ACAD10: variants seen among roughly 807,000 people sequenced by gnomAD.
ACAD10 encodes acyl-CoA dehydrogenase family member 10.
In ACAD10, 112 loss-of-function variants were observed where a neutral mutation model predicts 116.8. The observed-to-expected ratio is 0.96, with a 90% CI of 0.82 to 1.12. ACAD10 has a LOEUF of 1.12. Ranked by LOEUF, ACAD10 falls within the 50% of genes most tolerant of loss-of-function variation. The pLI is 0.00. For missense variants in ACAD10, 1,259 were observed against 1,350.2 expected (o/e 0.93, Z 1.06); for synonymous variants, 486 against 510.6 (o/e 0.95, Z 0.65).
In ACAD10 at chr12:111,692,753, T is replaced by G. The variant is rs763470989; in HGVS notation, c.44T>G (p.Val15Gly). 3 of 1,614,016 alleles carry G rather than the reference T, an allele frequency of 1.9e-6. No individual in the cohort carries two copies. In the African/African-American group the frequency reaches 4.0e-5, roughly 22 times the overall value. The change falls in exon 2 of 21, where the codon GTG (valine) becomes GGG (glycine). Residue 15 changes from valine (V) to glycine (G), a missense_variant. Physicochemically the swap from Val to Gly is moderately radical, Grantham distance 109. Coordinates refer to ENST00000313698, the MANE Select transcript of ACAD10 (RefSeq NM_025247.6). The stretch of plus-strand genomic sequence containing the variant: ...TTCCAGTCCCCCCGTCTCCAGTGGG[T>G]GTGGAGAACAGCCTTCCTGAAACAC... ...SCFQSPRLQW[V>G]WRTAFLKHTQ...
intron 8 of ACAD10, among the ~76,000 whole-genome samples, chr12:111,724,122 A>C (rs1350627080): frequency 1.4e-5 from 2 of 144,198 alleles, no homozygotes; most frequent in Non-Finnish European, 3.0e-5. Context: ...GTCTGGGCGG[A>C]TACGCTCCTC....
At chr12:111,743,865 G>T (rs1434844449) in intron 12 of ACAD10, among the ~76,000 whole-genome samples, 1 of 151,892 alleles carries the variant, frequency 6.6e-6, no homozygotes, top group African/African-American at 2.4e-5. Flanking sequence ...TCATGCCTTA[G>T]CCTCCTGAGT....
In ACAD10 at chr12:111,715,904, A is replaced by T. The variant is rs1250314858; in HGVS notation, c.934A>T (p.Arg312Trp). Residue 312 changes from arginine to tryptophan, a missense_variant, in exon 7 of 21, where the codon AGG becomes TGG. Arg to Trp is a moderately radical substitution (Grantham distance 101, BLOSUM62 -3). Transcript: ENST00000313698. ...IRLANRDLVLRKKPPGTLLPS... is the reference protein window; with the variant it reads ...IRLANRDLVLWKKPPGTLLPS... ...GCTGGCTAATCGTGATCTAGTTCTG[A>T]GGAAGAAGCCCCCAGGGACACTCCT... 6.2e-7 allele frequency: 1 copy of T among 1,614,080 alleles called. No individual in the cohort carries two copies. The highest frequency in any genetic ancestry group is 8.5e-7 in the Non-Finnish European group (1 of 1,180,016).
intron 11 of ACAD10, 47 bp downstream of exon 11, chr12:111,734,115 A>C: frequency 6.2e-7 from 1 of 1,611,608 alleles, no homozygotes; most frequent in Non-Finnish European, 8.5e-7. Flanking sequence ...CCAGTTCTCC[A>C]AGCATTTGGG....
chr12:111,738,001 T>C (rs995442997), intron 12 of ACAD10, among the ~76,000 whole-genome samples: 2 of 151,958 alleles, frequency 1.3e-5, no homozygotes, highest in African/African-American at 4.8e-5. Context: ...TATAGGCACA[T>C]ACCACCATAC....
In ACAD10 at chr12:111,708,305, C is replaced by T. The variant is rs902460430; in HGVS notation, c.532-1221C>T. On this transcript the variant is annotated intron_variant, in intron 4 of 20. Transcript: ENST00000313698. ...ACCTAGTGAGAGGAGCCGAATGCTT[C>T]CTGGAACTTTGCCCCATCCCCCCCA... 2.6e-5 allele frequency among the ~76,000 whole-genome samples: 4 copies of T among 152,126 alleles called. No homozygotes were observed. The South Asian group carries it at 8.3e-4, about 32-fold the overall frequency.
At chr12:111,708,764 C>G (rs2054193877) in intron 4 of ACAD10, among the ~76,000 whole-genome samples, 1 of 152,092 alleles carries the variant, frequency 6.6e-6, no homozygotes, top group Non-Finnish European at 1.5e-5. Flanking sequence ...CCTGGGGACA[C>G]TGTAAAAGGA....
intron 6 of ACAD10, chr12:111,715,551 G>A: frequency 2.6e-6 from 1 of 390,634 alleles, no homozygotes; most frequent in Non-Finnish European, 4.7e-6. Context: ...GACAAAATTG[G>A]ACACCTGCAC....
chr12:111,718,501 C>T (rs553968403), intron 7 of ACAD10, among the ~76,000 whole-genome samples: 24 of 149,602 alleles, frequency 1.6e-4, no homozygotes, highest in African/African-American at 5.6e-4. Flanking sequence ...TGTTTTGAGG[C>T]GGAGTTTTTG....
In ACAD10 at chr12:111,751,837, TC is replaced by T. The variant is rs779596249; in HGVS notation, c.2818-1934del. On this transcript the variant is annotated intron_variant, in intron 18 of 20. Transcript: ENST00000313698. ...ACTTTGGGAGGCCGAGGTGGGCAGA[TC>T]ACCTGAGGTCGGGAGTTCGAGTCCA... Among the ~76,000 whole-genome samples the T allele has an allele frequency of 1.1e-4, 16 of 152,140 alleles. No homozygotes were observed. The East Asian group carries it at 2.5e-3, about 24-fold the overall frequency.
At chr12:111,745,189 C>A in intron 13 of ACAD10, 146 bp downstream of exon 13, 1 of 927,418 alleles carries the variant, frequency 1.1e-6, no homozygotes, top group Non-Finnish European at 1.6e-6. Context: ...TCAGAAAGAG[C>A]CAGCTCTTCA....
At chr12:111,706,641 G>T (rs1295094092) in intron 4 of ACAD10, among the ~76,000 whole-genome samples, 1 of 151,270 alleles carries the variant, frequency 6.6e-6, no homozygotes, top group Non-Finnish European at 1.5e-5. Flanking sequence ...GTAGAGACGG[G>T]GGTTTCACCA....
At chr12:111,708,620 C>T (rs1263714641) in intron 4 of ACAD10, among the ~76,000 whole-genome samples, 1 of 152,116 alleles carries the variant, frequency 6.6e-6, no homozygotes, top group African/African-American at 2.4e-5. Flanking sequence ...TGGGTTTGTC[C>T]TTGGCCTTGG....
rs535217382 is a variant in ACAD10 at position 111,704,418 on chromosome 12, G to T, written c.337-1320G>T. Among the ~76,000 whole-genome samples the T allele has an allele frequency of 7.9e-5, 12 of 152,252 alleles. No individual in the cohort carries two copies. The South Asian group carries it at 1.7e-3, about 21-fold the overall frequency. On this transcript the variant is annotated intron_variant, in intron 3 of 20. Transcript: ENST00000313698. ...GCCTCCCAAAGTGCTGGGATTACAG[G>T]CGTGAGCCACCACGCCTGGCTGGTT...
At chr12:111,747,451 C>T in intron 16 of ACAD10, 66 bp downstream of exon 16, 1 of 1,598,600 alleles carries the variant, frequency 6.3e-7, no homozygotes, top group South Asian at 1.1e-5. Context: ...GCGCGTCTCT[C>T]AATGCCTGGG....
chr12:111,734,052 T>C lies in ACAD10; in HGVS notation c.1524T>C (p.Ser508=). The change falls in exon 11 of 21, where the codon AGT becomes AGC. Residue 508 remains serine (S), a synonymous_variant. Coordinates refer to ENST00000313698, the MANE Select transcript of ACAD10 (RefSeq NM_025247.6). ...GCCTGGCTCATTACCTGCCATCCAG[T>C]TTTCCCGTGCTGAGAGGTAGGAACT... The part of the protein sequence containing the change: ...YSCLAHYLPS[S]FPVLRGINDC... The C allele has an allele frequency of 6.2e-7, 1 of 1,614,144 alleles. No homozygotes were observed. The highest frequency in any genetic ancestry group is 8.5e-7 in the Non-Finnish European group (1 of 1,180,034).
At chr12:111,741,060 T>C (rs1037416257) in intron 12 of ACAD10, among the ~76,000 whole-genome samples, 5 of 152,212 alleles carry the variant, frequency 3.3e-5, no homozygotes, top group Admixed American at 6.5e-5. Context: ...CTGTGCTAGG[T>C]GGTCCTGGAG....
intron 8 of ACAD10, 91 bp from the exon 9 acceptor site, chr12:111,727,871 A>G: frequency 7.5e-7 from 1 of 1,326,750 alleles, no homozygotes; most frequent in Non-Finnish European, 1.0e-6. Context: ...CAACCTGTAT[A>G]CCCAGGGAAA....
At chr12:111,703,664 C>A (rs1190842790) in intron 3 of ACAD10, among the ~76,000 whole-genome samples, 2 of 151,878 alleles carry the variant, frequency 1.3e-5, no homozygotes, top group Non-Finnish European at 2.9e-5. Flanking sequence ...ATGGTGAAAC[C>A]CCATCTCTAC....
Sources: gnomAD v4.1 joint callset for allele counts (sites outside exome capture counted in the v4.1 genomes callset) on GRCh38, gnomAD v4.1.1 for gene constraint, MANE v1.5 for transcripts, NCBI Gene and HGNC (gene_info 2026-07-23, HGNC 2026-07-21) for gene names.